The following WNK3 variants were observed in gnomAD, a reference collection of about 807,000 sequenced individuals.
The protein encoded by WNK3 is serine/threonine-protein kinase WNK3.
A neutral mutation model predicts 116.7 loss-of-function variants in WNK3; 18 were observed. That is an observed-to-expected ratio of 0.15 (90% confidence interval 0.11 to 0.23). The LOEUF (loss-of-function observed/expected upper bound fraction) is 0.23, where lower values mean the gene tolerates loss of function less well. Ranked by LOEUF, WNK3 falls within the 10% of genes least tolerant of loss-of-function variation. WNK3 has a pLI of 1.00. For missense variants in WNK3, 993 were observed against 1,323.8 expected (o/e 0.75, Z 3.88); for synonymous variants, 404 against 469.4 (o/e 0.86, Z 1.80).
At chrX:54,275,413 A>ATGTGTGTGTGTGTGTGTGTGTGTG (rs782746924) in intron 10 of WNK3, among the ~76,000 whole-genome samples, 1 of 58,338 alleles carries the variant, frequency 1.7e-5, no homozygotes, top group African/African-American at 6.2e-5. Flanking sequence ...GTATAAGTTC[A>ATGTGTGTGTGTGTGTGTGTGTGTG]TATGTGTGTG....
At chrX:54,215,759 GC>G (rs1363841896) in intron 22 of WNK3, among the ~76,000 whole-genome samples, 4 of 111,399 alleles carry the variant, frequency 3.6e-5, no homozygotes, top group Non-Finnish European at 7.5e-5. Context: ...CCTCTGCCCG[GC>G]CGCCACCCAG....
chrX:54,254,749 A>C (rs1040981959), intron 12 of WNK3, among the ~76,000 whole-genome samples: 1 of 112,102 alleles, frequency 8.9e-6, no homozygotes, highest in Non-Finnish European at 1.9e-5. Context: ...GCAGCTATCT[A>C]ATGTAGCCAT....
At chrX:54,212,416 A>T (rs1402960693) in intron 22 of WNK3, among the ~76,000 whole-genome samples, 1 of 112,359 alleles carries the variant, frequency 8.9e-6, no homozygotes, top group Non-Finnish European at 1.9e-5. Context: ...ATGCAAGTTT[A>T]AAAAGCAATT....
chrX:54,298,131 T>C (rs1426526880), intron 7 of WNK3, 44 bp downstream of exon 7: 2 of 888,494 alleles, frequency 2.3e-6, no homozygotes, highest in Non-Finnish European at 3.3e-6. Flanking sequence ...GAATGAACTC[T>C]GATACAATAA....
At chrX:54,205,215 C>CAA (rs2067539888) in intron 22 of WNK3, among the ~76,000 whole-genome samples, 1 of 103,875 alleles carries the variant, frequency 9.6e-6, no homozygotes, top group Admixed American at 1.1e-4. Context: ...ATTCCACACA[C>CAA]ACACACACAC....
intron 1 of WNK3, among the ~76,000 whole-genome samples, chrX:54,335,253 A>AAAC (rs781831486): frequency 3.6e-5 from 4 of 111,317 alleles, no homozygotes; most frequent in Non-Finnish European, 5.6e-5. Context: ...TCAAAAAACA[A>AAAC]AACAACAACA....
intron 22 of WNK3, among the ~76,000 whole-genome samples, chrX:54,213,553 CAAAAAAAAAAACAAACAA>C (rs1454831661): frequency 7.0e-5 from 1 of 14,281 alleles, no homozygotes; most frequent in Non-Finnish European, 1.1e-4. Flanking sequence ...GACTCCGTCT[CAAAAAAAAAAACAAACAA>C]AAAAAAAAAA....
At chrX:54,354,437 A>G (rs1182917828) in intron 1 of WNK3, among the ~76,000 whole-genome samples, 1 of 111,511 alleles carries the variant, frequency 9.0e-6, no homozygotes, top group Non-Finnish European at 1.9e-5. Flanking sequence ...CTGAGAAAGG[A>G]GGGGTTTTTT....
chrX:54,236,905 C>G (rs2067967197), intron 20 of WNK3, 33 bp downstream of exon 20: 2 of 1,156,438 alleles, frequency 1.7e-6, no homozygotes, highest in Non-Finnish European at 2.3e-6. Context: ...CCTAGGGCAA[C>G]CAGATTTGTG....
Position 54,202,202 on chromosome X carries a change from C to A in WNK3, c.4871-9G>T, listed in dbSNP as rs1569534878. The stretch of plus-strand genomic sequence containing the variant: ...CTCCACACACAGTGGATCTATAAGA[C>A]AAAAAAAACAACAACAGGGAAACCA... On this transcript the variant is annotated splice_polypyrimidine_tract_variant and intron_variant, in intron 22 of 23. Coordinates refer to ENST00000354646, the Ensembl canonical transcript of WNK3. 7 of 1,163,091 alleles carry A rather than the reference C, an allele frequency of 6.0e-6. No individual in the cohort carries two copies. The highest frequency in any genetic ancestry group is 4.8e-4 in the Middle Eastern group (2 of 4,187).
At chrX:54,287,284 G>A (rs1322287297) in intron 10 of WNK3, among the ~76,000 whole-genome samples, 3 of 112,008 alleles carry the variant, frequency 2.7e-5, no homozygotes, top group East Asian at 2.8e-4. Flanking sequence ...GGTTCCAAAC[G>A]TTTTAGGACT....
exon 24 of WNK3, chrX:54,192,910 A>G (rs899516114): frequency 1.8e-5 from 2 of 111,792 alleles, no homozygotes; most frequent in East Asian, 5.6e-4. Context: ...ATTTCCAGGA[A>G]ACAAAACAAA....
chrX:54,331,195 G>T (rs1289717560), intron 2 of WNK3, among the ~76,000 whole-genome samples: 9 of 108,318 alleles, frequency 8.3e-5, no homozygotes, highest in African/African-American at 2.7e-4. Context: ...TGCACATCCT[G>T]CACATGTACC....
intron 10 of WNK3, among the ~76,000 whole-genome samples, chrX:54,287,966 A>T (rs1557164263): frequency 1.8e-5 from 2 of 112,356 alleles, no homozygotes; most frequent in Non-Finnish European, 3.8e-5. Flanking sequence ...CGTCTACCAG[A>T]ATGCTAAGTG....
exon 6 of WNK3, chrX:54,301,844 T>C: frequency 8.3e-7 from 1 of 1,209,912 alleles, no homozygotes. Context: ...TTATTGAAGC[T>C]GGCTGGTTTT....
intron 22 of WNK3, among the ~76,000 whole-genome samples, chrX:54,215,008 C>T (rs957468566): frequency 9.5e-6 from 1 of 104,903 alleles, no homozygotes; most frequent in Admixed American, 1.0e-4. Context: ...TCCCAGCTAC[C>T]TGGGAGGCTG....
chrX:54,354,439 G>T (rs1423278753), intron 1 of WNK3, among the ~76,000 whole-genome samples: 1 of 111,239 alleles, frequency 9.0e-6, no homozygotes, highest in Non-Finnish European at 1.9e-5. Flanking sequence ...GAGAAAGGAG[G>T]GGTTTTTTTC....
At chrX:54,287,455 A>G (rs1318045822) in intron 10 of WNK3, among the ~76,000 whole-genome samples, 1 of 111,262 alleles carries the variant, frequency 9.0e-6, no homozygotes, top group Non-Finnish European at 1.9e-5. Context: ...TACCTTCTCA[A>G]TGAGACCTAC....
intron 22 of WNK3, among the ~76,000 whole-genome samples, chrX:54,213,407 A>G (rs2067640009): frequency 9.3e-6 from 1 of 107,949 alleles, no homozygotes; most frequent in Admixed American, 1.0e-4. Context: ...ACAAAAAATT[A>G]GCTGGGCGAA....
Sources: gnomAD v4.1 joint callset for allele counts (sites outside exome capture counted in the v4.1 genomes callset) on GRCh38, gnomAD v4.1.1 for gene constraint, MANE v1.5 for transcripts, NCBI Gene and HGNC (gene_info 2026-07-23, HGNC 2026-07-21) for gene names.